The following NOBOX variants were observed in gnomAD, a reference collection of about 807,000 sequenced individuals.
NOBOX encodes the protein NOBOX oogenesis homeobox.
In NOBOX, 46 loss-of-function variants were observed where a neutral mutation model predicts 60.2. The observed-to-expected ratio is 0.76, with a 90% CI of 0.60 to 0.98. NOBOX has a LOEUF of 0.98. Among genes scored for constraint, NOBOX ranks in the 50% least tolerant of loss-of-function variants. The probability of loss-of-function intolerance (pLI) is 0.00; values close to 1 mark genes in which losing one functional copy is unlikely to be tolerated. For missense variants in NOBOX, 880 were observed against 865.5 expected, an observed-to-expected ratio of 1.02 and a Z score of -0.21; for synonymous variants, 360 against 346.3, an observed-to-expected ratio of 1.04 and a Z score of -0.44.
At chr7:144,404,448 C>A in intron 2 of NOBOX, 1 of 935,270 alleles carries the variant, frequency 1.1e-6, no homozygotes. Flanking sequence ...GGGGTTTCAC[C>A]ACGTTGGCTA....
Position 144,401,302 on chromosome 7 carries a change from C to G in NOBOX, c.588G>C (p.Lys196Asn). 6.2e-7 allele frequency: 1 copy of G among 1,613,630 alleles called. No homozygotes were observed. Among genetic ancestry groups the G allele is most frequent in the Non-Finnish European group, 8.5e-7 (1 of 1,179,760 alleles). ...TCCCGGGGGCTGGAGAATAGGACCT[C>G]TTTCCTATCTTCACCTCTCCCACTG... The change falls in exon 4 of 10, where the codon AAG becomes AAC. Residue 196 changes from lysine (K) to asparagine (N), a missense_variant. Physicochemically the swap from Lys to Asn is moderately conservative, Grantham distance 94. Transcript: ENST00000467773. This position sits in a 1 kb window ranked among gnomAD's most constrained non-coding sequence, Gnocchi z 4.2.
chr7:144,401,943 T>C lies in NOBOX; in HGVS notation c.218A>G (p.His73Arg), dbSNP rs373109638. 2.0e-5 allele frequency: 33 copies of C among 1,611,596 alleles called. No homozygotes were observed. Among genetic ancestry groups the C allele is most frequent in the Non-Finnish European group, 2.5e-5 (30 of 1,177,914 alleles). Reference sequence around the variant, plus strand: ...CTGTTCAGGTATCTCTAAGGGATCATGTTGGGGCTGCGGATGGACCAGGAA... The same window carrying C: ...CTGTTCAGGTATCTCTAAGGGATCACGTTGGGGCTGCGGATGGACCAGGAA... The change falls in exon 3 of 10, where the codon CAT becomes CGT. Residue 73 changes from histidine to arginine, a missense_variant. Coordinates refer to ENST00000467773, the MANE Select transcript of NOBOX (RefSeq NM_001080413.3). The surrounding 1 kb of genome is among the most constrained non-coding windows in gnomAD (Gnocchi z 4.2).
intron 1 of NOBOX, among the ~76,000 whole-genome samples, chr7:144,409,530 A>G (rs768089092): frequency 6.6e-6 from 1 of 152,228 alleles, no homozygotes; most frequent in Non-Finnish European, 1.5e-5. Context: ...AAAATGTACT[A>G]TGAAAAGCAC....
chr7:144,398,607 C>A, intron 8 of NOBOX, 21 bp from the exon 7 acceptor site: 1 of 1,526,260 alleles, frequency 6.6e-7, no homozygotes, highest in South Asian at 1.2e-5. Flanking sequence ...AGAGGAACAG[C>A]TGGTGAGGTG....
Position 144,400,260 on chromosome 7 carries a change from ACT to A in NOBOX, c.895_896del (p.Ser299Ter). 1 of 1,614,050 alleles carries A rather than the reference ACT, an allele frequency of 6.2e-7. No homozygotes were observed. The highest frequency in any genetic ancestry group is 1.1e-5 in the South Asian group (1 of 91,086). ...TCTGGGCAATCTCTCGGCGTTTATC[ACT>A]GTCAGGATAGTGGTCTTCTTGGAAT... On this transcript the variant is annotated frameshift_variant, in exon 5 of 10. Coordinates refer to ENST00000467773, the MANE Select transcript of NOBOX (RefSeq NM_001080413.3). LOFTEE classifies it high-confidence loss of function.
At position 144,404,650 on chromosome 7, in the gene NOBOX, A is replaced by T; in HGVS notation, c.116T>A (p.Val39Glu). 1.2e-6 allele frequency: 2 copies of T among 1,613,854 alleles called. No individual in the cohort carries two copies. The highest frequency in any genetic ancestry group is 1.7e-6 in the Non-Finnish European group (2 of 1,179,794). The change falls in exon 2 of 10, where the codon GTG (valine) becomes GAG (glutamate). Residue 39 changes from valine (V) to glutamate (E), a missense_variant. Coordinates refer to ENST00000467773, the MANE Select transcript of NOBOX (RefSeq NM_001080413.3). ...TCCGTAGATCCGGTACAGTCCACACACAGGAAATTCAGGTACAGCCAGGGG... is the reference window on the plus strand; with the variant it reads ...TCCGTAGATCCGGTACAGTCCACACTCAGGAAATTCAGGTACAGCCAGGGG...
At chr7:144,398,675 C>T (rs2053912698) in intron 8 of NOBOX, 89 bp from the exon 7 acceptor site, 1 of 918,940 alleles carries the variant, frequency 1.1e-6, no homozygotes, top group Non-Finnish European at 1.7e-6. Context: ...CCTCTCGCCT[C>T]CTCCTCATCT....
chr7:144,398,652 A>G lies in NOBOX; in HGVS notation c.1470-66T>C, dbSNP rs2053912406. On this transcript the variant is annotated intron_variant, in intron 8 of 9. Transcript: ENST00000467773. ...GGGAGCTCCCCGTTCCTACCACAGT[A>G]GCGGAGTCCCTACCTCTCGCCTCCT... 3.4e-6 allele frequency: 4 copies of G among 1,187,112 alleles called. No homozygotes were observed. In the South Asian group the frequency reaches 5.4e-5, roughly 16 times the overall value. The allele number at this position is 1,187,112 out of a possible 1,614,324, so 73.5% of individuals were successfully genotyped here.
chr7:144,410,170 C>CT lies in NOBOX; in HGVS notation c.57dup (p.Asp20ArgfsTer17), dbSNP rs1417441563. The CT allele has an allele frequency of 1.3e-6, 2 of 1,570,226 alleles. No homozygotes were observed. The highest frequency in any genetic ancestry group is 3.7e-5 in the Admixed American group (2 of 53,728). Reference sequence around the variant, plus strand: ...TCCTGGGCTTTGAAGCCATCCTTGTCTCTGGTGTCCCAGGTACCCTCCAGG... The same window carrying CT: ...TCCTGGGCTTTGAAGCCATCCTTGTCTTCTGGTGTCCCAGGTACCCTCCAGG... On this transcript the variant is annotated frameshift_variant, in exon 1 of 10. Transcript: ENST00000467773. LOFTEE classifies it high-confidence loss of function.
intron 4 of NOBOX, among the ~76,000 whole-genome samples, chr7:144,400,564 G>A (rs1387778211): frequency 6.6e-6 from 1 of 152,152 alleles, no homozygotes; most frequent in Non-Finnish European, 1.5e-5. Context: ...TTTAGACGGA[G>A]TCTCACTCTG....
downstream of NOBOX, chr7:144,397,169 A>C: frequency 7.4e-7 from 1 of 1,355,924 alleles, no homozygotes; most frequent in African/African-American, 1.5e-5. Flanking sequence ...CCAAACCCCC[A>C]ACCCCTGTCC....
intron 2 of NOBOX, among the ~76,000 whole-genome samples, chr7:144,403,915 G>T (rs2053963843): frequency 6.6e-6 from 1 of 151,972 alleles, no homozygotes; most frequent in Non-Finnish European, 1.5e-5. Context: ...GGGCCTGGGC[G>T]CCGCCTGCTC....
At chr7:144,408,894 G>A (rs1211111061) in intron 1 of NOBOX, among the ~76,000 whole-genome samples, 1 of 152,208 alleles carries the variant, frequency 6.6e-6, no homozygotes, top group African/African-American at 2.4e-5. Flanking sequence ...AGATAAAACT[G>A]CACAGAACTA....
In NOBOX at chr7:144,400,328, A is replaced by G; in HGVS notation, c.845-16T>C. ...TCCAGCTGATCTGAAAGAAGAAGAAACTTGTGTGAGGAGGACAAATGCCAG... is the reference window on the plus strand; with the variant it reads ...TCCAGCTGATCTGAAAGAAGAAGAAGCTTGTGTGAGGAGGACAAATGCCAG... On this transcript the variant is annotated splice_polypyrimidine_tract_variant and intron_variant, in intron 4 of 9. Transcript: ENST00000467773. 2 of 1,612,116 alleles carry G rather than the reference A, an allele frequency of 1.2e-6. No individual in the cohort carries two copies. The highest frequency in any genetic ancestry group is 1.7e-6 in the Non-Finnish European group (2 of 1,178,464).
At position 144,397,502 on chromosome 7, in the gene NOBOX, G is replaced by C. The variant is rs1443210528; in HGVS notation, c.1814C>G (p.Pro605Arg). ...TTGTGGGCAGAACGGACCAGGGAAG[G>C]GCAGCTCTGGCAAACAGGGGTCACT... The change falls in exon 10 of 10, where the codon CCC (proline) becomes CGC (arginine). Residue 605 changes from proline to arginine, a missense_variant. Coordinates refer to ENST00000467773, the MANE Select transcript of NOBOX (RefSeq NM_001080413.3). The C allele has an allele frequency of 2.0e-6, 3 of 1,535,928 alleles. No individual in the cohort carries two copies. Among genetic ancestry groups the C allele is most frequent in the South Asian group, 1.2e-5 (1 of 83,986 alleles).
At chr7:144,405,234 C>T (rs1318162548) in intron 1 of NOBOX, among the ~76,000 whole-genome samples, 1 of 152,130 alleles carries the variant, frequency 6.6e-6, no homozygotes, top group Admixed American at 6.5e-5. Context: ...ATAGATGGGG[C>T]CCAGTTTCTG....
rs1563130262 is a variant in NOBOX, at chr7:144,403,709, C to T, written c.210+847G>A. 1 of 700,468 alleles carries T rather than the reference C, an allele frequency of 1.4e-6. No individual in the cohort carries two copies. The highest frequency in any genetic ancestry group is 2.6e-6 in the Non-Finnish European group (1 of 383,714). The allele number at this position is 700,468 out of a possible 1,614,324, so 43.4% of individuals were successfully genotyped here. A position where few individuals can be genotyped will look rare whatever the true frequency, so the allele number is the denominator to read the frequency against. On this transcript the variant is annotated intron_variant, in intron 2 of 9. Coordinates refer to ENST00000467773, the MANE Select transcript of NOBOX (RefSeq NM_001080413.3). ...TGGGTTCCATGGCCTGGACTCCCGC[C>T]GCCGCGGCCGGCCCGTGATGCACAG...
Position 144,399,470 on chromosome 7 carries a change from C to T in NOBOX, c.1167G>A (p.Glu389=). The T allele has an allele frequency of 6.3e-7, 1 of 1,579,520 alleles. No homozygotes were observed. The highest frequency in any genetic ancestry group is 2.3e-5 in the East Asian group (1 of 43,320). Reference sequence around the variant, plus strand: ...GCTCCATGGGCACAGCAGGTAGGATCTCAGCTGCAGAGCTGGAGGCAGGAA... The same window carrying T: ...GCTCCATGGGCACAGCAGGTAGGATTTCAGCTGCAGAGCTGGAGGCAGGAA... The change falls in exon 7 of 10, where the codon GAG becomes GAA. Residue 389 remains glutamate, a synonymous_variant. Coordinates refer to ENST00000467773, the MANE Select transcript of NOBOX (RefSeq NM_001080413.3).
chr7:144,401,874 G>C lies in NOBOX; in HGVS notation c.287C>G (p.Thr96Arg). ...CCTAATTTGGGGGTACTCACCCCTT[G>C]TGAGTTCCCTTTTCCCAGACACCAG... is the stretch of plus-strand genomic sequence containing the variant. The change falls in exon 3 of 10, where the codon ACA becomes AGA. Residue 96 changes from threonine (T) to arginine (R), a missense_variant. Thr to Arg is a moderately conservative substitution (Grantham distance 71). Transcript: ENST00000467773. This position sits in a 1 kb window ranked among gnomAD's most constrained non-coding sequence, Gnocchi z 4.2. 6.2e-7 allele frequency: 1 copy of C among 1,603,030 alleles called. No homozygotes were observed. The highest frequency in any genetic ancestry group is 8.5e-7 in the Non-Finnish European group (1 of 1,170,044).
Sources: allele counts gnomAD v4.1 joint callset (sites outside exome capture counted in the v4.1 genomes callset), GRCh38; gene constraint gnomAD v4.1.1; non-coding constraint Gnocchi (gnomAD v3.1); transcripts MANE v1.5; gene names NCBI Gene and HGNC (gene_info 2026-07-23, HGNC 2026-07-21).